SLIT3: variants seen among roughly 807,000 people sequenced by gnomAD.
The protein encoded by SLIT3 is slit homolog 3 protein.
Under a neutral mutation model 184.0 loss-of-function variants are expected in SLIT3, and 68 were observed. The observed-to-expected ratio is 0.37, with a 90% CI of 0.30 to 0.45. SLIT3 has a LOEUF of 0.45. Ranked by LOEUF, SLIT3 falls within the 20% of genes least tolerant of loss-of-function variation. SLIT3 has a pLI of 1.00. For missense variants in SLIT3, 1,707 were observed against 2,026.0 expected, an observed-to-expected ratio of 0.84 and a Z score of 3.02; for synonymous variants, 831 against 828.6, an observed-to-expected ratio of 1.00 and a Z score of -0.05.
At chr5:168,841,061 C>T (rs1350038424) in intron 6 of SLIT3, among the ~76,000 whole-genome samples, 4 of 152,184 alleles carry the variant, frequency 2.6e-5, no homozygotes, top group African/African-American at 9.7e-5. Flanking sequence ...TGAGTCATTG[C>T]TAGTTTGCCT....
chr5:168,772,914 G>A lies in SLIT3; in HGVS notation c.1326C>T (p.Asp442=). ...AGTCGGCCAGCCACTTCAAGTGGCA[G>A]TCGCACACAAATGGGTTTTGGGCTA... ...LHLAQNPFVC[D]CHLKWLADYL... The change falls in exon 14 of 36, where the codon GAC becomes GAT. Residue 442 remains aspartate, a synonymous_variant. Transcript: ENST00000519560. 2 of 1,612,488 alleles carry A rather than the reference G, an allele frequency of 1.2e-6. No homozygotes were observed. Among genetic ancestry groups the A allele is most frequent in the Non-Finnish European group, 1.7e-6 (2 of 1,179,154 alleles).
chr5:169,139,435 T>C (rs773793998), intron 4 of SLIT3, among the ~76,000 whole-genome samples: 1 of 152,220 alleles, frequency 6.6e-6, no homozygotes, highest in African/African-American at 2.4e-5. Flanking sequence ...AGCATCATCA[T>C]CATCCTAGTT....
chr5:168,928,894 A>G (rs1209410089), intron 4 of SLIT3, among the ~76,000 whole-genome samples: 1 of 152,230 alleles, frequency 6.6e-6, no homozygotes, highest in Non-Finnish European at 1.5e-5. Flanking sequence ...ACCTCTGCTG[A>G]AAGTCCCTGG....
rs544410879 is a variant in SLIT3, at chr5:168,733,221, A to G, written c.2271-8737T>C. Among the ~76,000 whole-genome samples the G allele has an allele frequency of 1.7e-3, 260 of 152,318 alleles. 1 individual carries two copies. The highest frequency in any genetic ancestry group is 5.6e-3 in the African/African-American group (231 of 41,582). On this transcript the variant is annotated intron_variant, in intron 20 of 35. Coordinates refer to ENST00000519560, the MANE Select transcript of SLIT3 (RefSeq NM_003062.4). ...ATCACTAATCATCAGAAAAATGCCA[A>G]TCAGAACCACAGTGAGATACCATAT...
intron 14 of SLIT3, among the ~76,000 whole-genome samples, chr5:168,767,414 G>T (rs572637120): frequency 6.6e-6 from 1 of 152,132 alleles, no homozygotes. Context: ...GAGGTACCAA[G>T]ATCCCTCTCT....
At chr5:169,110,166 G>C (rs1760361164) in intron 4 of SLIT3, among the ~76,000 whole-genome samples, 2 of 152,096 alleles carry the variant, frequency 1.3e-5, no homozygotes, top group African/African-American at 4.8e-5. Context: ...AGTCTTAATG[G>C]TGCACAGACA....
At chr5:168,834,157 G>C (rs544565125) in intron 6 of SLIT3, among the ~76,000 whole-genome samples, 1 of 152,096 alleles carries the variant, frequency 6.6e-6, no homozygotes, top group African/African-American at 2.4e-5. Flanking sequence ...TTCCCTAACC[G>C]GCTGCCGCAT....
chr5:168,842,476 T>TTTTG lies in SLIT3; in HGVS notation c.557+2107_557+2108insCAAA, dbSNP rs72292621. Among the ~76,000 whole-genome samples, 83 of 92,884 alleles carry TTTTG rather than the reference T, an allele frequency of 8.9e-4. 1 individual carries two copies. The highest frequency in any genetic ancestry group is 2.1e-3 in the African/African-American group (55 of 25,824). 60.9% of individuals were successfully genotyped at this position (92,884 alleles called of 152,430 possible). On this transcript the variant is annotated intron_variant, in intron 6 of 35. Transcript: ENST00000519560. ...TCTGGATACCGTTTTTTCGTTTTTT[T>TTTTG]TTTTTTTTTTTGTATCTGAGTAGAG...
chr5:168,942,823 A>T (rs1762369282), intron 4 of SLIT3, among the ~76,000 whole-genome samples: 1 of 151,356 alleles, frequency 6.6e-6, no homozygotes, highest in South Asian at 2.1e-4. Context: ...CTTACTAGCC[A>T]ATTTCTGACT....
intron 26 of SLIT3, among the ~76,000 whole-genome samples, chr5:168,703,368 A>G (rs1229022398): frequency 6.6e-6 from 1 of 151,826 alleles, no homozygotes; most frequent in Non-Finnish European, 1.5e-5. Flanking sequence ...CCCGTTAGGA[A>G]CCAGGCTGCA....
chr5:168,708,205 T>C, intron 25 of SLIT3, 105 bp from the exon 26 acceptor site: 2 of 1,509,630 alleles, frequency 1.3e-6, no homozygotes, highest in Non-Finnish European at 1.8e-6. Flanking sequence ...GCCAGCCCCT[T>C]CCCAACTCCA....
At chr5:168,946,839 A>G (rs1040803918) in intron 4 of SLIT3, among the ~76,000 whole-genome samples, 8 of 152,174 alleles carry the variant, frequency 5.3e-5, no homozygotes, top group Non-Finnish European at 1.0e-4. Context: ...TGGAACACAC[A>G]GCTGCTCCCC....
At chr5:169,049,232 A>G (rs1245814324) in intron 4 of SLIT3, among the ~76,000 whole-genome samples, 2 of 152,128 alleles carry the variant, frequency 1.3e-5, no homozygotes, top group Non-Finnish European at 2.9e-5. Flanking sequence ...GAAACAAAAT[A>G]ATAATTGTTT....
At chr5:169,050,519 A>G (rs1353718581) in intron 4 of SLIT3, among the ~76,000 whole-genome samples, 1 of 152,158 alleles carries the variant, frequency 6.6e-6, no homozygotes, top group Non-Finnish European at 1.5e-5. Flanking sequence ...ATATCTATTC[A>G]GTGTCCATGG....
chr5:168,694,732 C>T (rs1449070508), intron 28 of SLIT3, among the ~76,000 whole-genome samples: 2 of 152,174 alleles, frequency 1.3e-5, no homozygotes, highest in Non-Finnish European at 2.9e-5. Context: ...GATTCTCCTG[C>T]CTCAGCTTCC....
intron 9 of SLIT3, among the ~76,000 whole-genome samples, chr5:168,797,686 A>T (rs1218246852): frequency 6.6e-6 from 1 of 152,188 alleles, no homozygotes; most frequent in African/African-American, 2.4e-5. Flanking sequence ...TACCATAATA[A>T]ACATCAAGAG....
intron 15 of SLIT3, among the ~76,000 whole-genome samples, chr5:168,762,301 C>G (rs1331558162): frequency 6.6e-6 from 1 of 152,172 alleles, no homozygotes; most frequent in African/African-American, 2.4e-5. Context: ...GATGCCGGCT[C>G]ACAGTAGGTG....
intron 4 of SLIT3, among the ~76,000 whole-genome samples, chr5:169,027,039 G>T (rs972111061): frequency 6.6e-6 from 1 of 152,284 alleles, no homozygotes; most frequent in East Asian, 1.9e-4. Flanking sequence ...GATGACAGTG[G>T]ATCATGTTTC....
At chr5:169,038,360 C>A in intron 4 of SLIT3, among the ~76,000 whole-genome samples, 1 of 152,164 alleles carries the variant, frequency 6.6e-6, no homozygotes, top group East Asian at 1.9e-4. Context: ...ACACATATTA[C>A]AATGTACACA....
Sources: allele counts gnomAD v4.1 joint callset (sites outside exome capture counted in the v4.1 genomes callset), GRCh38; gene constraint gnomAD v4.1.1; transcripts MANE v1.5; gene names NCBI Gene and HGNC (gene_info 2026-07-23, HGNC 2026-07-21).